PITX3: variants seen among roughly 807,000 people sequenced by gnomAD.
PITX3 encodes pituitary homeobox 3.
In PITX3, 4 loss-of-function variants were observed where a neutral mutation model predicts 14.2. That is an observed-to-expected ratio of 0.28 (90% CI 0.14 to 0.65). The LOEUF (loss-of-function observed/expected upper bound fraction) is 0.65. Ranked by LOEUF, PITX3 falls within the 30% of genes least tolerant of loss-of-function variation. PITX3 has a pLI of 0.82. For synonymous variants in PITX3, 194 were observed against 204.5 expected, an observed-to-expected ratio of 0.95 and a Z score of 0.44; for missense variants, 358 against 426.8, an observed-to-expected ratio of 0.84 and a Z score of 1.42.
chr10:102,238,546 A>G (rs1298850935), intron 1 of PITX3, among the ~76,000 whole-genome samples: 3 of 152,242 alleles, frequency 2.0e-5, no homozygotes, highest in African/African-American at 7.2e-5. Flanking sequence ...CTATGGCTGC[A>G]TCAGGGATGA....
intron 1 of PITX3, 65 bp from the exon 2 acceptor site, chr10:102,232,157 A>G: frequency 1.1e-6 from 1 of 897,008 alleles, no homozygotes. Context: ...GCTAGGTCCC[A>G]GCAGCGTTTC....
At position 102,231,720 on chromosome 10, in the gene PITX3, C is replaced by T. The variant is rs767257464; in HGVS notation, c.189G>A (p.Arg63=). 1.9e-6 allele frequency: 3 copies of T among 1,610,190 alleles called. No homozygotes were observed. The African/African-American group carries it at 4.0e-5, about 22-fold the overall frequency. The change falls in exon 3 of 4, where the codon CGG becomes CGA. Residue 63 remains arginine (R), a synonymous_variant. Transcript: ENST00000370002. ...PEDGSLKKKQ[R]RQRTHFTSQQ... is the part of the protein sequence containing the mutation. ...GGCTGGTGAAGTGCGTGCGCTGCCG[C>T]CGCTGCTTCTTTTTCAGCGAACCGT... is the stretch of plus-strand genomic sequence containing the variant.
Position 102,230,768 on chromosome 10 carries a change from C to A in PITX3, c.655G>T (p.Gly219Cys), listed in dbSNP as rs1388378709. 1 of 1,515,330 alleles carries A rather than the reference C, an allele frequency of 6.6e-7. No homozygotes were observed. The highest frequency in any genetic ancestry group is 1.4e-5 in the African/African-American group (1 of 69,392). The allele number at this position is 1,515,330 out of a possible 1,614,324, so 93.9% of individuals were successfully genotyped here. ...GGAGCCAGCCCGGGGGGGCCCCCGC[C>A]CAGGCCCTGCAGGGCCCCAGGCCCT... ...VPGPGALQGL[G>C]GGPPGLAPAA... Residue 219 changes from glycine to cysteine, a missense_variant, in exon 4 of 4, where the codon GGC (glycine) becomes TGC (cysteine). Gly to Cys is a radical substitution (Grantham distance 159, BLOSUM62 -3). Around this residue, in one of 3 missense-constraint regions of PITX3, gnomAD observed 236 missense variants for 250.2 expected, o/e 0.94. Coordinates refer to ENST00000370002, the MANE Select transcript of PITX3 (RefSeq NM_005029.4).
At chr10:102,235,371 C>A (rs2070366438) in intron 1 of PITX3, among the ~76,000 whole-genome samples, 1 of 151,960 alleles carries the variant, frequency 6.6e-6, no homozygotes, top group South Asian at 2.1e-4. Flanking sequence ...GTGCCCAGGC[C>A]CCTCTCAGGA....
chr10:102,232,338 G>C (rs2070268569), intron 1 of PITX3, among the ~76,000 whole-genome samples: 1 of 152,204 alleles, frequency 6.6e-6, no homozygotes, highest in South Asian at 2.1e-4. Flanking sequence ...CTGGGAACTA[G>C]AACTGTGCCA....
chr10:102,230,794 G>C lies in PITX3; in HGVS notation c.629C>G (p.Pro210Arg). The change falls in exon 4 of 4, where the codon CCA becomes CGA. Residue 210 changes from proline (P) to arginine (R), a missense_variant. Physicochemically the swap from Pro to Arg is moderately radical, Grantham distance 103. Transcript: ENST00000370002. ...CAGGCCCTGCAGGGCCCCAGGCCCT[G>C]GCACGGTGCCCGGGGCAGCCGCGGC... ...PSAAAAPGTV[P>R]GPGALQGLGG... The C allele has an allele frequency of 3.2e-6, 5 of 1,549,304 alleles. No homozygotes were observed. Among genetic ancestry groups the C allele is most frequent in the Non-Finnish European group, 4.4e-6 (5 of 1,146,860 alleles).
rs541641067 is a variant in PITX3, at chr10:102,230,278, C to G, written c.*236G>C. 2.4e-4 allele frequency: 125 copies of G among 511,756 alleles called. No homozygotes were observed. Among genetic ancestry groups the G allele is most frequent in the Middle Eastern group, 1.0e-3 (2 of 1,920 alleles). 31.7% of individuals were successfully genotyped at this position (511,756 alleles called of 1,614,324 possible). On this transcript the variant is annotated 3_prime_UTR_variant, in exon 4 of 4. Transcript: ENST00000370002. ...GGGATGGGCCAAGGGTGAGTTGGCC[C>G]CCGGGGAGCTGGTCCCTGTTCCTGG...
chr10:102,238,042 T>A (rs1249600024), intron 1 of PITX3, among the ~76,000 whole-genome samples: 3 of 152,098 alleles, frequency 2.0e-5, no homozygotes, highest in Admixed American at 6.5e-5. Flanking sequence ...GAGAAACTAT[T>A]AACTGAAAGG....
intron 1 of PITX3, among the ~76,000 whole-genome samples, chr10:102,240,550 C>T (rs9664049): frequency 0.67 from 101,761 of 152,208 alleles, 34,612 homozygotes; most frequent in African/African-American, 0.8. Flanking sequence ...GCTGGGTAGA[C>T]GGACATGCCA....
intron 1 of PITX3, among the ~76,000 whole-genome samples, chr10:102,237,847 G>A (rs1285664627): frequency 6.6e-6 from 1 of 151,924 alleles, no homozygotes; most frequent in Non-Finnish European, 1.5e-5. Context: ...TTTAGACTGT[G>A]TGTCATGCCT....
chr10:102,236,392 C>T (rs1031160240), intron 1 of PITX3, among the ~76,000 whole-genome samples: 2 of 152,342 alleles, frequency 1.3e-5, no homozygotes, highest in East Asian at 1.9e-4. Context: ...TGGAAGGGGG[C>T]TGCCGGCCCC....
intron 1 of PITX3, among the ~76,000 whole-genome samples, chr10:102,239,789 TG>T (rs1449429127): frequency 6.6e-6 from 1 of 152,224 alleles, no homozygotes; most frequent in East Asian, 1.9e-4. Flanking sequence ...ATAATTGAGC[TG>T]TGGTTAGAAT....
chr10:102,231,572 G>A lies in PITX3; in HGVS notation c.321+16C>T. ...AGGGCCCGCGCGGGTGCGAGTCGCG[G>A]GTCTGGAGAGCATACCCGCACGCGG... On this transcript the variant is annotated intron_variant, in intron 3 of 3. Coordinates refer to ENST00000370002, the MANE Select transcript of PITX3 (RefSeq NM_005029.4). 6.5e-7 allele frequency: 1 copy of A among 1,546,522 alleles called. No individual in the cohort carries two copies. Among genetic ancestry groups the A allele is most frequent in the Non-Finnish European group, 8.8e-7 (1 of 1,132,886 alleles).
rs748715145 is a variant in PITX3, at chr10:102,231,627, C to T, written c.282G>A (p.Glu94=). The T allele has an allele frequency of 6.2e-7, 1 of 1,611,512 alleles. No homozygotes were observed. The highest frequency in any genetic ancestry group is 8.5e-7 in the Non-Finnish European group (1 of 1,178,942). The change falls in exon 3 of 4, where the codon GAG becomes GAA. Residue 94 remains glutamate, a synonymous_variant. Transcript: ENST00000370002. Reference sequence around the variant, plus strand: ...CGGTGAGGTTGGTCCACACGGCGATCTCCTCGCGCGTGCTCATGTCGGGGT... The same window carrying T: ...CGGTGAGGTTGGTCCACACGGCGATTTCCTCGCGCGTGCTCATGTCGGGGT... ...NRYPDMSTRE[E]IAVWTNLTEA... is the part of the protein sequence containing the mutation.
Position 102,230,355 on chromosome 10 carries a change from GCTGGGAGGGGAAGGCCCT to G in PITX3, c.*141_*158del. The G allele has an allele frequency of 1.7e-6, 2 of 1,152,406 alleles. No homozygotes were observed. Among genetic ancestry groups the G allele is most frequent in the Non-Finnish European group, 2.4e-6 (2 of 830,760 alleles). The allele number at this position is 1,152,406 out of a possible 1,614,324, so 71.4% of individuals were successfully genotyped here. ...TGTAGGGCCTAGTCCACCCCTCAGG[GCTGGGAGGGGAAGGCCCT>G]CTCCTGAGCCGGTGCCCCCCAGCTG... On this transcript the variant is annotated 3_prime_UTR_variant, in exon 4 of 4. Coordinates refer to ENST00000370002, the MANE Select transcript of PITX3 (RefSeq NM_005029.4).
At chr10:102,232,952 A>G (rs1339373745) in intron 1 of PITX3, among the ~76,000 whole-genome samples, 1 of 152,202 alleles carries the variant, frequency 6.6e-6, no homozygotes, top group Non-Finnish European at 1.5e-5. Context: ...CCTCACAAGA[A>G]TACCTCAAGT....
At chr10:102,232,892 C>T (rs781341361) in intron 1 of PITX3, among the ~76,000 whole-genome samples, 9 of 152,258 alleles carry the variant, frequency 5.9e-5, no homozygotes, top group Non-Finnish European at 1.3e-4. Flanking sequence ...GATATTTCTC[C>T]CTTAAGAATA....
chr10:102,230,462 A>T lies in PITX3; in HGVS notation c.*52T>A. ...CAGTCAAAATGACCCCAGTCCGCGG[A>T]GGCTGTGAATCGTTGCCCCCGCCCT... On this transcript the variant is annotated 3_prime_UTR_variant, in exon 4 of 4. Coordinates refer to ENST00000370002, the MANE Select transcript of PITX3 (RefSeq NM_005029.4). The T allele has an allele frequency of 6.4e-7, 1 of 1,568,584 alleles. No homozygotes were observed. The highest frequency in any genetic ancestry group is 2.3e-5 in the East Asian group (1 of 43,120).
intron 1 of PITX3, among the ~76,000 whole-genome samples, chr10:102,235,633 T>C (rs1213510047): frequency 6.6e-6 from 1 of 152,208 alleles, no homozygotes; most frequent in Non-Finnish European, 1.5e-5. Context: ...TTTTTTTTCC[T>C]CACTCATTAA....
Sources: allele counts gnomAD v4.1 joint callset (sites outside exome capture counted in the v4.1 genomes callset), GRCh38; gene constraint gnomAD v4.1.1; regional missense constraint gnomAD v4.1.1; transcripts MANE v1.5; gene names NCBI Gene and HGNC (gene_info 2026-07-23, HGNC 2026-07-21).